ZMYND11: variants seen among roughly 807,000 people sequenced by gnomAD.
The protein encoded by ZMYND11 is zinc finger MYND-type containing 11, also known as zinc finger MYND domain-containing protein 11.
A neutral mutation model predicts 84.9 loss-of-function variants in ZMYND11; 9 were observed. That is an observed-to-expected ratio of 0.11 (90% confidence interval 0.06 to 0.18). The LOEUF is 0.18. Among genes scored for constraint, ZMYND11 ranks in the 10% least tolerant of loss-of-function variants. The pLI is 1.00. For synonymous variants in ZMYND11, 250 were observed against 244.1 expected, an observed-to-expected ratio of 1.02 and a Z score of -0.23; for missense variants, 409 against 761.0, an observed-to-expected ratio of 0.54 and a Z score of 5.44.
At chr10:235,403 C>G (rs961509083) in intron 4 of ZMYND11, among the ~76,000 whole-genome samples, 1 of 152,028 alleles carries the variant, frequency 6.6e-6, no homozygotes, top group African/African-American at 2.4e-5. Flanking sequence ...ATCAATTTGT[C>G]TCCCCCCGCC....
At chr10:188,339 C>T (rs533159243) in intron 2 of ZMYND11, among the ~76,000 whole-genome samples, 1 of 151,980 alleles carries the variant, frequency 6.6e-6, no homozygotes, top group East Asian at 1.9e-4. Context: ...GTAATCCCGG[C>T]ACTTTGGGAG....
At chr10:237,046 C>T in intron 5 of ZMYND11, 131 bp downstream of exon 5, 2 of 780,724 alleles carry the variant, frequency 2.6e-6, no homozygotes, top group Non-Finnish European at 4.0e-6. Context: ...AGCACCCCGT[C>T]ATGTCATATT....
intron 2 of ZMYND11, among the ~76,000 whole-genome samples, chr10:200,211 T>C (rs1361496354): frequency 7.0e-6 from 1 of 142,612 alleles, no homozygotes; most frequent in African/African-American, 2.6e-5. Context: ...CTAGGGTGTG[T>C]GTGTGTGTGT....
intron 2 of ZMYND11, among the ~76,000 whole-genome samples, chr10:189,634 T>C (rs1026933322): frequency 1.3e-5 from 2 of 152,194 alleles, no homozygotes; most frequent in African/African-American, 4.8e-5. Flanking sequence ...GAGTCCACAG[T>C]GAGTTTTTTC....
At chr10:182,197 G>GT (rs889982283) in intron 2 of ZMYND11, among the ~76,000 whole-genome samples, 14 of 152,296 alleles carry the variant, frequency 9.2e-5, no homozygotes, top group African/African-American at 3.4e-4. Context: ...TAATCTGGGA[G>GT]TAAGATAATT....
chr10:239,294 T>A, intron 6 of ZMYND11, 144 bp from the exon 7 acceptor site: 1 of 646,382 alleles, frequency 1.5e-6, no homozygotes, highest in South Asian at 2.2e-5. Context: ...TGGCTTCTTT[T>A]ACACACATTC....
At chr10:185,956 T>C (rs975019776) in intron 2 of ZMYND11, among the ~76,000 whole-genome samples, 2 of 151,796 alleles carry the variant, frequency 1.3e-5, no homozygotes, top group Non-Finnish European at 1.5e-5. Context: ...TGTTGTGTAC[T>C]ACACTGGACA....
At chr10:185,808 C>T (rs1476661950) in intron 2 of ZMYND11, among the ~76,000 whole-genome samples, 5 of 76,748 alleles carry the variant, frequency 6.5e-5, no homozygotes, top group East Asian at 3.7e-4. Context: ...AGTGAAACTC[C>T]GTCTCAAAAA....
intron 2 of ZMYND11, among the ~76,000 whole-genome samples, chr10:204,917 T>C (rs1286578699): frequency 3.9e-5 from 6 of 151,940 alleles, no homozygotes; most frequent in African/African-American, 1.4e-4. Context: ...AAATATTTTA[T>C]GTAGGATTTT....
intron 2 of ZMYND11, among the ~76,000 whole-genome samples, chr10:186,942 A>T (rs1337198168): frequency 6.6e-6 from 1 of 152,092 alleles, no homozygotes; most frequent in African/African-American, 2.4e-5. Flanking sequence ...TTTCCTTTTT[A>T]AAAAACTGCT....
chr10:181,716 C>T (rs1847924416), intron 2 of ZMYND11, among the ~76,000 whole-genome samples: 2 of 151,932 alleles, frequency 1.3e-5, no homozygotes, highest in Admixed American at 1.3e-4. Context: ...TCTGTACTCG[C>T]CTTTGTGGTA....
At chr10:248,747 C>G in intron 13 of ZMYND11, 139 bp downstream of exon 13, 1 of 1,385,640 alleles carries the variant, frequency 7.2e-7, no homozygotes, top group East Asian at 2.5e-5. Flanking sequence ...TACAGCATTT[C>G]AAGTAATAAT....
At chr10:202,129 G>A (rs1282537488) in intron 2 of ZMYND11, among the ~76,000 whole-genome samples, 1 of 152,122 alleles carries the variant, frequency 6.6e-6, no homozygotes, top group East Asian at 1.9e-4. Context: ...TTACATTTGA[G>A]GTATTGTGTA....
chr10:223,160 G>A (rs1346158275), intron 4 of ZMYND11, among the ~76,000 whole-genome samples: 1 of 151,894 alleles, frequency 6.6e-6, no homozygotes, highest in African/African-American at 2.4e-5. Flanking sequence ...CTCCCGAGTA[G>A]CTGGGATTAC....
At chr10:211,506 G>A (rs2131292388) in intron 3 of ZMYND11, among the ~76,000 whole-genome samples, 1 of 152,248 alleles carries the variant, frequency 6.6e-6, no homozygotes, top group African/African-American at 2.4e-5. Context: ...ACTAACCTGT[G>A]AAGCCTGAGA....
intron 2 of ZMYND11, among the ~76,000 whole-genome samples, chr10:190,465 G>T (rs1940064026): frequency 6.6e-6 from 1 of 152,126 alleles, no homozygotes; most frequent in East Asian, 1.9e-4. Context: ...CCCATGCTCT[G>T]CCTTGGGACG....
chr10:193,386 G>A (rs1057268420), intron 2 of ZMYND11, among the ~76,000 whole-genome samples: 4 of 152,138 alleles, frequency 2.6e-5, no homozygotes, highest in Admixed American at 2.0e-4. Flanking sequence ...TTACTTGTGT[G>A]CCCTCTGACC....
chr10:224,507 C>A (rs751824060), intron 4 of ZMYND11, among the ~76,000 whole-genome samples: 2 of 152,238 alleles, frequency 1.3e-5, no homozygotes, highest in South Asian at 2.1e-4. Flanking sequence ...TTACTGAGAT[C>A]TCTCTCATTA....
rs538148314 is a variant in ZMYND11, at chr10:168,174, T to C, written c.-19-11820T>C. Among the ~76,000 whole-genome samples, 139 of 152,216 alleles carry C rather than the reference T, an allele frequency of 9.1e-4. 1 individual carries two copies. The highest frequency in any genetic ancestry group is 1.8e-3 in the Non-Finnish European group (120 of 68,004). On this transcript the variant is annotated intron_variant, in intron 1 of 14. Coordinates refer to ENST00000381604, the MANE Select transcript of ZMYND11 (RefSeq NM_001370100.5). ...GCAGACAATACTACATATGCAATAA[T>C]TGTATAGGAATCAATGATAACATGG...
Sources: gnomAD v4.1 joint callset for allele counts (sites outside exome capture counted in the v4.1 genomes callset) on GRCh38, gnomAD v4.1.1 for gene constraint, MANE v1.5 for transcripts, NCBI Gene and HGNC (gene_info 2026-07-23, HGNC 2026-07-21) for gene names.